The following RBFOX1 variants were observed in gnomAD, a reference collection of about 807,000 sequenced individuals.
RBFOX1 encodes the protein RNA binding fox-1 homolog 1.
In RBFOX1, 8 loss-of-function variants were observed where a neutral mutation model predicts 57.7. The observed-to-expected ratio is 0.14, with a 90% CI of 0.08 to 0.25. RBFOX1 has a LOEUF of 0.25. Among genes scored for constraint, RBFOX1 ranks in the 10% least tolerant of loss-of-function variants. The probability of loss-of-function intolerance (pLI) is 1.00; values close to 1 mark genes in which losing one functional copy is unlikely to be tolerated. For synonymous variants in RBFOX1, 326 were observed against 222.4 expected (o/e 1.47, Z -4.15); for missense variants, 611 against 548.5 (o/e 1.11, Z -1.14).
chr16:5,996,156 T>G (rs2060486715), intron 4 of RBFOX1, among the ~76,000 whole-genome samples: 1 of 152,100 alleles, frequency 6.6e-6, no homozygotes, highest in Admixed American at 6.6e-5. Flanking sequence ...CCATATTAAT[T>G]TTGGGGGCAC....
chr16:6,277,234 G>C (rs79412200), intron 1 of RBFOX1, among the ~76,000 whole-genome samples: 2 of 151,876 alleles, frequency 1.3e-5, no homozygotes, highest in Non-Finnish European at 2.9e-5. Context: ...GCCAAGGCAG[G>C]CAGATAACTT....
At chr16:5,404,928 T>A (rs1289797054) in intron 1 of RBFOX1, among the ~76,000 whole-genome samples, 1 of 152,238 alleles carries the variant, frequency 6.6e-6, no homozygotes, top group East Asian at 1.9e-4. Flanking sequence ...TCATTCTGGG[T>A]CTGAGGAACT....
intron 1 of RBFOX1, among the ~76,000 whole-genome samples, chr16:6,080,023 G>T (rs778120804): frequency 3.3e-5 from 5 of 152,144 alleles, no homozygotes; most frequent in South Asian, 2.1e-4. Flanking sequence ...CCTAAGTTCT[G>T]GGAGTGAATT....
chr16:6,294,898 TAAAA>T (rs958555990), intron 1 of RBFOX1, among the ~76,000 whole-genome samples: 3 of 152,068 alleles, frequency 2.0e-5, no homozygotes, highest in Non-Finnish European at 4.4e-5. Context: ...GACCAGCTGA[TAAAA>T]AAAGATACAT....
chr16:7,640,006 C>G (rs74013865), intron 11 of RBFOX1, among the ~76,000 whole-genome samples: 12 of 152,140 alleles, frequency 7.9e-5, no homozygotes, highest in Non-Finnish European at 1.8e-4. Flanking sequence ...TCTCCATCTG[C>G]TCAACTTTTC....
chr16:7,443,967 A>T (rs113646267), intron 4 of RBFOX1, among the ~76,000 whole-genome samples: 1 of 152,182 alleles, frequency 6.6e-6, no homozygotes, highest in Non-Finnish European at 1.5e-5. Context: ...AAAGCTGTAC[A>T]TATTTATCTT....
chr16:6,181,134 G>C lies in RBFOX1; in HGVS notation c.-126-135861G>C, dbSNP rs899433264. Among the ~76,000 whole-genome samples, 7 of 152,234 alleles carry C rather than the reference G, an allele frequency of 4.6e-5. 1 individual carries two copies. Among genetic ancestry groups the C allele is most frequent in the African/African-American group, 4.8e-5 (2 of 41,554 alleles). On this transcript the variant is annotated intron_variant, in intron 1 of 15. Transcript: ENST00000550418. ...AGGATTAATCTGAAATGTATGGGCT[G>C]GTAAAGTCATTGGCTCTCTCCAGTT... is the stretch of plus-strand genomic sequence containing the variant.
intron 3 of RBFOX1, among the ~76,000 whole-genome samples, chr16:6,923,120 C>T (rs1477719946): frequency 1.3e-5 from 2 of 152,120 alleles, no homozygotes; most frequent in Non-Finnish European, 2.9e-5. Context: ...TGTAGAATTC[C>T]AAAGGAGATA....
chr16:6,773,970 C>G (rs1181129185), intron 3 of RBFOX1: 1 of 985,156 alleles, frequency 1.0e-6, no homozygotes. Context: ...TCTCATGGTC[C>G]TCCCGTTTTC....
rs111670762 is a variant in RBFOX1, at chr16:7,667,302, C to G, written c.930+2334C>G. Among the ~76,000 whole-genome samples the G allele has an allele frequency of 7.1e-3, 1,085 of 152,248 alleles. 12 individuals are homozygous for G. The highest frequency in any genetic ancestry group is 0.025 in the African/African-American group (1,041 of 41,536). On this transcript the variant is annotated intron_variant, in intron 13 of 15. Transcript: ENST00000550418. Reference sequence around the variant, plus strand: ...CCTGTGCCACTGCCCAGCTCAGCAGCAGAACAAGAGGTCTTTGATGACCAT... The same window carrying G: ...CCTGTGCCACTGCCCAGCTCAGCAGGAGAACAAGAGGTCTTTGATGACCAT...
At chr16:6,354,918 A>G (rs1038675665) in intron 2 of RBFOX1, among the ~76,000 whole-genome samples, 1 of 152,144 alleles carries the variant, frequency 6.6e-6, no homozygotes, top group African/African-American at 2.4e-5. Flanking sequence ...ACCAGTGTTC[A>G]CATAAGGAGA....
intron 2 of RBFOX1, among the ~76,000 whole-genome samples, chr16:6,349,508 G>C (rs752210426): frequency 5.3e-5 from 8 of 152,180 alleles, no homozygotes; most frequent in Admixed American, 1.3e-4. Context: ...TCCTTTAAAA[G>C]GATCCCTTTG....
chr16:6,241,973 A>G (rs894768556), intron 1 of RBFOX1, among the ~76,000 whole-genome samples: 3 of 152,210 alleles, frequency 2.0e-5, no homozygotes, highest in African/African-American at 4.8e-5. Flanking sequence ...GTGGAAGTCA[A>G]TGTTGTGAAA....
intron 4 of RBFOX1, among the ~76,000 whole-genome samples, chr16:7,090,979 C>A (rs943021559): frequency 1.3e-5 from 2 of 152,180 alleles, no homozygotes; most frequent in African/African-American, 4.8e-5. Flanking sequence ...AGCTGTTTCT[C>A]CTAGGGCTGG....
chr16:7,693,361 T>A (rs143338985), intron 14 of RBFOX1: 1 of 1,610,278 alleles, frequency 6.2e-7, no homozygotes, highest in African/African-American at 1.3e-5. Context: ...TTGTAACACC[T>A]CTGCAGGTAA....
At chr16:5,797,375 A>G (rs1320908198) in intron 3 of RBFOX1, among the ~76,000 whole-genome samples, 1 of 152,154 alleles carries the variant, frequency 6.6e-6, no homozygotes, top group Non-Finnish European at 1.5e-5. Flanking sequence ...CCGTCTTGGA[A>G]CATCTCCATT....
At chr16:7,345,169 C>T (rs2096971981) in intron 4 of RBFOX1, among the ~76,000 whole-genome samples, 1 of 152,188 alleles carries the variant, frequency 6.6e-6, no homozygotes, top group South Asian at 2.1e-4. Context: ...AGCAACGTTA[C>T]CAACACACAT....
At chr16:6,438,295 G>C (rs1336502066) in intron 2 of RBFOX1, among the ~76,000 whole-genome samples, 1 of 152,170 alleles carries the variant, frequency 6.6e-6, no homozygotes, top group African/African-American at 2.4e-5. Context: ...CCTGTGAAAG[G>C]TGTACTGTTG....
intron 10 of RBFOX1, among the ~76,000 whole-genome samples, chr16:7,620,773 G>T (rs2059190556): frequency 1.3e-5 from 2 of 152,164 alleles, no homozygotes; most frequent in Admixed American, 1.3e-4. Context: ...CTTTGAGAGA[G>T]AGTGTCTGAG....
Sources: gnomAD v4.1 joint callset for allele counts (sites outside exome capture counted in the v4.1 genomes callset) on GRCh38, gnomAD v4.1.1 for gene constraint, MANE v1.5 for transcripts, NCBI Gene and HGNC (gene_info 2026-07-23, HGNC 2026-07-21) for gene names.